GABARAPL2: variants seen among roughly 807,000 people sequenced by gnomAD.
GABARAPL2 encodes the protein gamma-aminobutyric acid receptor-associated protein-like 2.
In GABARAPL2, 11 loss-of-function variants were observed where a neutral mutation model predicts 16.9. That is an observed-to-expected ratio of 0.65 (90% CI 0.41 to 1.08). The LOEUF is 1.08. Among genes scored for constraint, GABARAPL2 ranks in the 50% least tolerant of loss-of-function variants. The probability of loss-of-function intolerance (pLI) is 0.00; values close to 1 mark genes in which losing one functional copy is unlikely to be tolerated. For missense variants in GABARAPL2, 134 were observed against 142.5 expected, an observed-to-expected ratio of 0.94 and a Z score of 0.30; for synonymous variants, 57 against 50.7, an observed-to-expected ratio of 1.12 and a Z score of -0.53.
chr16:75,566,430 C>G lies in GABARAPL2; in HGVS notation c.-57C>G. On this transcript the variant is annotated 5_prime_UTR_variant, in exon 1 of 4. Transcript: ENST00000037243. Reference sequence around the variant, plus strand: ...CTGCCGCCGTCGTTGTTGTTGTGCTCGGTGCGCTGAGCTCCGCGGCTCCGC... The same window carrying G: ...CTGCCGCCGTCGTTGTTGTTGTGCTGGGTGCGCTGAGCTCCGCGGCTCCGC... 7.5e-7 allele frequency: 1 copy of G among 1,332,578 alleles called. No homozygotes were observed. The highest frequency in any genetic ancestry group is 1.2e-5 in the South Asian group (1 of 82,474). 82.5% of individuals were successfully genotyped at this position (1,332,578 alleles called of 1,614,324 possible). A position where few individuals can be genotyped will look rare whatever the true frequency, so the allele number is the denominator to read the frequency against.
In GABARAPL2 at chr16:75,577,485, G is replaced by T; in HGVS notation, c.*116G>T. 1.5e-6 allele frequency: 1 copy of T among 664,424 alleles called. No homozygotes were observed. Among genetic ancestry groups the T allele is most frequent in the South Asian group, 1.8e-5 (1 of 56,286 alleles). The allele number at this position is 664,424 out of a possible 1,614,324, so 41.2% of individuals were successfully genotyped here. A position where few individuals can be genotyped will look rare whatever the true frequency, so the allele number is the denominator to read the frequency against. On this transcript the variant is annotated 3_prime_UTR_variant, in exon 4 of 4. Transcript: ENST00000037243. ...TAGACCTATTAGTGCATTTGTAACT[G>T]GATTTATTTCTTAATATATTGGAAG...
chr16:75,570,095 C>A (rs566786371), intron 3 of GABARAPL2, among the ~76,000 whole-genome samples: 1 of 151,962 alleles, frequency 6.6e-6, no homozygotes, highest in Non-Finnish European at 1.5e-5. Context: ...GTTTTATTCT[C>A]AGAAGTAATT....
intron 3 of GABARAPL2, among the ~76,000 whole-genome samples, chr16:75,571,836 C>T (rs1000793207): frequency 1.3e-5 from 2 of 151,800 alleles, no homozygotes; most frequent in East Asian, 2.0e-4. Flanking sequence ...CCACCACGCC[C>T]GGCTACTTTT....
chr16:75,566,398 G>C lies in GABARAPL2; in HGVS notation c.-89G>C. 1 of 1,005,512 alleles carries C rather than the reference G, an allele frequency of 9.9e-7. No homozygotes were observed. The highest frequency in any genetic ancestry group is 2.8e-5 in the East Asian group (1 of 35,414). 62.3% of individuals were successfully genotyped at this position (1,005,512 alleles called of 1,614,324 possible). ...CCGTGTAGTCGCCGCCGTCGCTGCC[G>C]CTGCCGCTGCCGCCGTCGTTGTTGT... On this transcript the variant is annotated 5_prime_UTR_variant, in exon 1 of 4. Transcript: ENST00000037243.
chr16:75,570,455 G>A (rs911718134), intron 3 of GABARAPL2, among the ~76,000 whole-genome samples: 1 of 152,136 alleles, frequency 6.6e-6, no homozygotes, highest in Non-Finnish European at 1.5e-5. Context: ...CTTCCTTAGG[G>A]GAGCATGGAG....
intron 3 of GABARAPL2, among the ~76,000 whole-genome samples, chr16:75,572,948 G>C (rs569123215): frequency 6.6e-6 from 1 of 152,354 alleles, no homozygotes; most frequent in African/African-American, 2.4e-5. Flanking sequence ...CAGCAACTTA[G>C]GCAGCAAGCC....
At chr16:75,571,556 C>T (rs1318456637) in intron 3 of GABARAPL2, among the ~76,000 whole-genome samples, 1 of 152,192 alleles carries the variant, frequency 6.6e-6, no homozygotes, top group Admixed American at 6.5e-5. Context: ...AATCCAATTC[C>T]TGACCCTTCA....
At chr16:75,567,748 C>T (rs1489324156) in intron 2 of GABARAPL2, among the ~76,000 whole-genome samples, 2 of 152,174 alleles carry the variant, frequency 1.3e-5, no homozygotes, top group African/African-American at 2.4e-5. Flanking sequence ...AAACCCTCCC[C>T]AGATATTCTT....
chr16:75,574,827 C>G (rs1015125589), intron 3 of GABARAPL2, among the ~76,000 whole-genome samples: 2 of 21,410 alleles, frequency 9.3e-5, no homozygotes, highest in African/African-American at 2.4e-3. Flanking sequence ...GAGTTCAAGA[C>G]CAGCCTGGCC....
rs763117712 is a variant in GABARAPL2, at chr16:75,566,436, G to T, written c.-51G>T. On this transcript the variant is annotated 5_prime_UTR_variant, in exon 1 of 4. Coordinates refer to ENST00000037243, the MANE Select transcript of GABARAPL2 (RefSeq NM_007285.7). ...CCGTCGTTGTTGTTGTGCTCGGTGC[G>T]CTGAGCTCCGCGGCTCCGCGAGCCG... 5 of 1,400,588 alleles carry T rather than the reference G, an allele frequency of 3.6e-6. No homozygotes were observed. Among genetic ancestry groups the T allele is most frequent in the Non-Finnish European group, 5.0e-6 (5 of 999,258 alleles). The allele number at this position is 1,400,588 out of a possible 1,614,324, so 86.8% of individuals were successfully genotyped here.
intron 3 of GABARAPL2, among the ~76,000 whole-genome samples, chr16:75,573,121 G>A (rs139179900): frequency 1.0e-3 from 159 of 152,318 alleles, no homozygotes; most frequent in African/African-American, 3.6e-3. Flanking sequence ...AATTCTGAGG[G>A]GGAAGTTTAA....
chr16:75,566,710 C>A, intron 1 of GABARAPL2, 142 bp from the exon 2 acceptor site: 1 of 970,776 alleles, frequency 1.0e-6, no homozygotes, highest in Non-Finnish European at 1.6e-6. Flanking sequence ...TTGCTGGGAG[C>A]TAGTAGGGGA....
intron 2 of GABARAPL2, among the ~76,000 whole-genome samples, chr16:75,567,741 C>T (rs2080892440): frequency 6.6e-6 from 1 of 152,122 alleles, no homozygotes; most frequent in Non-Finnish European, 1.5e-5. Context: ...ATGGATGAAA[C>T]CCTCCCCAGA....
intron 1 of GABARAPL2, 31 bp downstream of exon 1, chr16:75,566,551 G>A: frequency 6.2e-7 from 1 of 1,605,056 alleles, no homozygotes; most frequent in Non-Finnish European, 8.5e-7. Flanking sequence ...CCGGCTGCTG[G>A]GGGCTGGGGC....
intron 2 of GABARAPL2, 41 bp from the exon 3 acceptor site, chr16:75,567,996 G>T: frequency 5.9e-6 from 9 of 1,525,306 alleles, no homozygotes; most frequent in East Asian, 4.6e-5. Flanking sequence ...CCAGAGCCTC[G>T]CTTTAGGAAA....
At chr16:75,571,316 C>T (rs2080912942) in intron 3 of GABARAPL2, among the ~76,000 whole-genome samples, 1 of 152,126 alleles carries the variant, frequency 6.6e-6, no homozygotes, top group Non-Finnish European at 1.5e-5. Flanking sequence ...CATTGGGAAA[C>T]CTGTGCTGTT....
chr16:75,567,069 G>GGGC (rs2080888499), intron 2 of GABARAPL2, among the ~76,000 whole-genome samples, 162 bp downstream of exon 2: 1 of 152,218 alleles, frequency 6.6e-6, no homozygotes, highest in Admixed American at 6.5e-5. Context: ...GGGGCGTGAG[G>GGGC]GGCTCGGGCT....
At chr16:75,566,985 CAGTTGACA>C in intron 2 of GABARAPL2, 78 bp downstream of exon 2, 1 of 1,234,308 alleles carries the variant, frequency 8.1e-7, no homozygotes. Context: ...GGCCATTCAA[CAGTTGACA>C]AGTTGAGGTT....
chr16:75,567,605 G>A (rs2080891759), intron 2 of GABARAPL2, among the ~76,000 whole-genome samples: 1 of 152,160 alleles, frequency 6.6e-6, no homozygotes, highest in African/African-American at 2.4e-5. Flanking sequence ...CTTGGTTCTT[G>A]GCTGGCTAAA....
Sources: gnomAD v4.1 joint callset for allele counts (sites outside exome capture counted in the v4.1 genomes callset) on GRCh38, gnomAD v4.1.1 for gene constraint, MANE v1.5 for transcripts, NCBI Gene and HGNC (gene_info 2026-07-23, HGNC 2026-07-21) for gene names.